Variants in DLGAP1 observed in about 807,000 individuals in gnomAD.
DLGAP1 encodes disks large-associated protein 1.
A neutral mutation model predicts 90.8 loss-of-function variants in DLGAP1; 11 were observed. That is an observed-to-expected ratio of 0.12 (90% confidence interval 0.08 to 0.20). The LOEUF (loss-of-function observed/expected upper bound fraction) is 0.20, where lower values mean the gene tolerates loss of function less well. Among genes scored for constraint, DLGAP1 ranks in the 10% least tolerant of loss-of-function variants. DLGAP1 has a pLI of 1.00. For missense variants in DLGAP1, 1,050 were observed against 1,333.8 expected (o/e 0.79, Z 3.31); for synonymous variants, 558 against 540.7 (o/e 1.03, Z -0.44).
At chr18:3,812,991 TTCTA>T (rs1486471444) in intron 5 of DLGAP1, among the ~76,000 whole-genome samples, 4 of 152,198 alleles carry the variant, frequency 2.6e-5, no homozygotes, top group Non-Finnish European at 5.9e-5. Flanking sequence ...CCAAATGGAA[TTCTA>T]TCTATTTCTA....
intron 5 of DLGAP1, among the ~76,000 whole-genome samples, chr18:3,802,978 C>A (rs1386672820): frequency 6.6e-6 from 1 of 152,186 alleles, no homozygotes; most frequent in African/African-American, 2.4e-5. Flanking sequence ...TTCATTCTCT[C>A]TCTGAAGAAA....
chr18:4,125,511 G>A (rs2076219094), intron 2 of DLGAP1, among the ~76,000 whole-genome samples: 1 of 152,206 alleles, frequency 6.6e-6, no homozygotes, highest in Non-Finnish European at 1.5e-5. Flanking sequence ...CCCAGACTCA[G>A]TGTCTATCTG....
intron 1 of DLGAP1, among the ~76,000 whole-genome samples, chr18:4,210,911 A>C (rs2077827267): frequency 6.6e-6 from 1 of 152,192 alleles, no homozygotes; most frequent in African/African-American, 2.4e-5. Context: ...GACATTGTGC[A>C]GGTCGGTGAG....
chr18:3,804,129 C>T (rs1039054854), intron 5 of DLGAP1, among the ~76,000 whole-genome samples: 6 of 151,666 alleles, frequency 4.0e-5, no homozygotes, highest in African/African-American at 9.7e-5. Context: ...GGATCACAGG[C>T]GCACGCCACC....
chr18:4,048,026 G>A (rs979118171), intron 2 of DLGAP1, among the ~76,000 whole-genome samples: 2 of 151,990 alleles, frequency 1.3e-5, no homozygotes, highest in South Asian at 4.2e-4. Flanking sequence ...TCAAACTCCC[G>A]GGCTCAAGCA....
chr18:4,415,038 TAC>T lies in DLGAP1; in HGVS notation c.-267+39966_-267+39967del, dbSNP rs987956560. The stretch of plus-strand genomic sequence containing the variant: ...CAATTGAAATATACATATATATATA[TAC>T]ACACACACACACATACACATATATA... On this transcript the variant is annotated intron_variant, in intron 1 of 12. Transcript: ENST00000315677. 2.0e-4 allele frequency among the ~76,000 whole-genome samples: 26 copies of T among 130,730 alleles called. 1 individual carries two copies. The highest frequency in any genetic ancestry group is 2.5e-4 in the South Asian group (1 of 3,928). 85.8% of individuals were successfully genotyped at this position (130,730 alleles called of 152,430 possible).
chr18:4,120,790 C>T (rs1448062549), intron 2 of DLGAP1, among the ~76,000 whole-genome samples: 1 of 145,310 alleles, frequency 6.9e-6, no homozygotes, highest in Non-Finnish European at 1.5e-5. Flanking sequence ...CTCTCCCTCT[C>T]CCTCCCTCCT....
intron 7 of DLGAP1, among the ~76,000 whole-genome samples, chr18:3,602,553 C>T (rs2057113145): frequency 6.8e-6 from 1 of 146,506 alleles, no homozygotes; most frequent in East Asian, 2.0e-4. Flanking sequence ...CGAGATCGCG[C>T]CACCGCACTC....
intron 7 of DLGAP1, among the ~76,000 whole-genome samples, chr18:3,637,933 G>T (rs921182606): frequency 1.6e-4 from 23 of 143,374 alleles, no homozygotes; most frequent in Admixed American, 4.3e-4. Context: ...GTAGGTTTTT[G>T]TGCTAGGTAG....
chr18:4,201,872 A>G (rs9953518), intron 1 of DLGAP1, among the ~76,000 whole-genome samples: 13,061 of 152,094 alleles, frequency 0.086, 1,617 homozygotes, highest in African/African-American at 0.27. Flanking sequence ...ATATACTATT[A>G]GGGGAATGTA....
At chr18:4,287,709 G>T (rs1219243049) in intron 1 of DLGAP1, among the ~76,000 whole-genome samples, 1 of 152,088 alleles carries the variant, frequency 6.6e-6, no homozygotes, top group Non-Finnish European at 1.5e-5. Context: ...GGGAGGGATA[G>T]CATTAGGACA....
chr18:4,454,406 T>TTCTCTCTCTCTCTC lies in DLGAP1; in HGVS notation c.-267+586_-267+599dup, dbSNP rs1555621484. On this transcript the variant is annotated intron_variant, in intron 1 of 12. Coordinates refer to ENST00000315677, the MANE Select transcript of DLGAP1 (RefSeq NM_004746.4). This position sits in a 1 kb window ranked among gnomAD's most constrained non-coding sequence, Gnocchi z 4.7. ...CAGTGACCTCCTCCTTGGACCCCATTTCTCTCTCTCTCTCTCTCTCTGTGC... is the reference window on the plus strand; with the variant it reads ...CAGTGACCTCCTCCTTGGACCCCATTTCTCTCTCTCTCTCTCTCTCTCTCTCTCTCTCTCTGTGC... 9.7e-4 allele frequency among the ~76,000 whole-genome samples: 146 copies of TTCTCTCTCTCTCTC among 150,648 alleles called. 1 individual carries two copies. The highest frequency in any genetic ancestry group is 1.6e-3 in the Non-Finnish European group (108 of 67,486).
intron 4 of DLGAP1, among the ~76,000 whole-genome samples, chr18:3,821,288 C>T (rs77290660): frequency 2.8e-5 from 2 of 72,716 alleles, no homozygotes; most frequent in Non-Finnish European, 5.2e-5. Flanking sequence ...GACTCTGTGT[C>T]AAAAAAAAAA....
chr18:4,239,147 C>T (rs1295994242), intron 1 of DLGAP1, among the ~76,000 whole-genome samples: 1 of 152,102 alleles, frequency 6.6e-6, no homozygotes, highest in Non-Finnish European at 1.5e-5. Context: ...AGATTTAATT[C>T]ATATCTTATG....
At chr18:4,229,496 A>T (rs1382015373) in intron 1 of DLGAP1, among the ~76,000 whole-genome samples, 4 of 152,138 alleles carry the variant, frequency 2.6e-5, no homozygotes, top group African/African-American at 9.6e-5. Flanking sequence ...CCAATGGAAC[A>T]AAATAGAGGA....
At chr18:3,616,073 AC>A (rs1313082898) in intron 7 of DLGAP1, among the ~76,000 whole-genome samples, 7 of 152,340 alleles carry the variant, frequency 4.6e-5, no homozygotes, top group African/African-American at 1.7e-4. Flanking sequence ...TTTGCCTGTC[AC>A]AGGCATAGAG....
At chr18:4,276,914 T>C (rs2079429439) in intron 1 of DLGAP1, among the ~76,000 whole-genome samples, 1 of 152,196 alleles carries the variant, frequency 6.6e-6, no homozygotes, top group South Asian at 2.1e-4. Flanking sequence ...AAAAAGTGTA[T>C]CTTAAATTAT....
intron 1 of DLGAP1, among the ~76,000 whole-genome samples, chr18:4,330,339 A>G (rs2080920480): frequency 6.6e-6 from 1 of 151,488 alleles, no homozygotes; most frequent in East Asian, 1.9e-4. Context: ...TTTATTTTTT[A>G]CTGTTCTTCT....
intron 4 of DLGAP1, among the ~76,000 whole-genome samples, chr18:3,877,725 A>C (rs948340996): frequency 1.3e-5 from 2 of 152,158 alleles, no homozygotes; most frequent in African/African-American, 4.8e-5. Context: ...TAACGGTTTA[A>C]CCCACTAAGT....
Sources: gnomAD v4.1 joint callset for allele counts (sites outside exome capture counted in the v4.1 genomes callset) on GRCh38, gnomAD v4.1.1 for gene constraint, Gnocchi (gnomAD v3.1) non-coding constraint, MANE v1.5 for transcripts, NCBI Gene and HGNC (gene_info 2026-07-23, HGNC 2026-07-21) for gene names.